Variants in ZNF805 observed in about 807,000 individuals in gnomAD.
ZNF805 encodes the protein CTC-444N24.8.
ZNF805 carries 7 observed loss-of-function variants against 13.6 expected under a neutral mutation model. That is an observed-to-expected ratio of 0.51 (90% CI 0.29 to 0.97). The LOEUF is 0.97. Among genes scored for constraint, ZNF805 ranks in the 50% least tolerant of loss-of-function variants. The probability of loss-of-function intolerance (pLI) is 0.08; values close to 1 mark genes in which losing one functional copy is unlikely to be tolerated. For missense variants in ZNF805, 604 were observed against 771.0 expected (o/e 0.78, Z 2.57); for synonymous variants, 293 against 279.8 (o/e 1.05, Z -0.47).
chr19:57,253,139 C>CT lies in ZNF805; in HGVS notation c.325dup (p.Trp109LeufsTer51). The CT allele has an allele frequency of 6.5e-7, 1 of 1,532,676 alleles. No individual in the cohort carries two copies. Among genetic ancestry groups the CT allele is most frequent in the Non-Finnish European group, 8.7e-7 (1 of 1,142,890 alleles). The allele number at this position is 1,532,676 out of a possible 1,614,324, so 94.9% of individuals were successfully genotyped here. A position where few individuals can be genotyped will look rare whatever the true frequency, so the allele number is the denominator to read the frequency against. On this transcript the variant is annotated frameshift_variant, in exon 4 of 4. Transcript: ENST00000414468. LOFTEE classifies it low-confidence loss of function (END_TRUNC). The surrounding 1 kb of genome is among the most constrained non-coding windows in gnomAD (Gnocchi z 4.4). ...GAGCTAGCCTTGTCTGAAGGAATCT[C>CT]TTTTTGGGGACAACTAACACAAGGA... is the stretch of plus-strand genomic sequence containing the variant.
Position 57,240,747 on chromosome 19 carries a change from C to A in ZNF805, c.-145C>A. 2 of 725,754 alleles carry A rather than the reference C, an allele frequency of 2.8e-6. No homozygotes were observed. The highest frequency in any genetic ancestry group is 4.4e-6 in the Non-Finnish European group (2 of 458,778). The allele number at this position is 725,754 out of a possible 1,614,324, so 45.0% of individuals were successfully genotyped here. Reference sequence around the variant, plus strand: ...AGCGACCTCCGCGTCTCGGAGCGAACCGTGAGCCTCCCCGTAACGAGAGAG... The same window carrying A: ...AGCGACCTCCGCGTCTCGGAGCGAAACGTGAGCCTCCCCGTAACGAGAGAG... On this transcript the variant is annotated 5_prime_UTR_variant, in exon 1 of 4. Coordinates refer to ENST00000414468, the MANE Select transcript of ZNF805 (RefSeq NM_001023563.4).
chr19:57,244,311 T>G (rs763611843), intron 2 of ZNF805, among the ~76,000 whole-genome samples: 3 of 150,812 alleles, frequency 2.0e-5, no homozygotes, highest in Non-Finnish European at 4.4e-5. Flanking sequence ...CAAGCGATTC[T>G]TCTGCCTCAG....
At position 57,262,075 on chromosome 19, in the gene ZNF805, C is replaced by T. The variant is rs191026115; in HGVS notation, c.*7372C>T. ...AGAACAGGAGGTGTTCAGCGTAAGA[C>T]AATTTAGGCACACGGAGCTACTTCT... is the stretch of plus-strand genomic sequence containing the variant. On this transcript the variant is annotated 3_prime_UTR_variant, in exon 4 of 4. Transcript: ENST00000414468. 5 of 166,636 alleles carry T rather than the reference C, an allele frequency of 3.0e-5. No individual in the cohort carries two copies. The East Asian group carries it at 5.8e-4, about 19-fold the overall frequency. 10.3% of individuals were successfully genotyped at this position (166,636 alleles called of 1,614,324 possible).
chr19:57,253,283 GC>G lies in ZNF805; in HGVS notation c.468del (p.Lys157AsnfsTer5). 3.2e-6 allele frequency: 5 copies of G among 1,566,472 alleles called. No individual in the cohort carries two copies. The highest frequency in any genetic ancestry group is 4.3e-6 in the Non-Finnish European group (5 of 1,155,112). Reference sequence around the variant, plus strand: ...AAGGAGAAGCTTCCTGGAAAAATGAGCCCCAAACATGATGGTTTAGGGACAG... The same window carrying G: ...AAGGAGAAGCTTCCTGGAAAAATGAGCCCAAACATGATGGTTTAGGGACAG... ...SQKEKLPGKM[S>X]PKHDGLGTAD... On this transcript the variant is annotated frameshift_variant, in exon 4 of 4. Coordinates refer to ENST00000414468, the MANE Select transcript of ZNF805 (RefSeq NM_001023563.4). LOFTEE classifies it low-confidence loss of function (END_TRUNC). The surrounding 1 kb of genome is among the most constrained non-coding windows in gnomAD (Gnocchi z 4.4).
At position 57,259,410 on chromosome 19, in the gene ZNF805, T is replaced by C. The variant is rs577990817; in HGVS notation, c.*4707T>C. Among the ~76,000 whole-genome samples, 1 of 152,322 alleles carries C rather than the reference T, an allele frequency of 6.6e-6. No individual in the cohort carries two copies. The highest frequency in any genetic ancestry group is 2.1e-4 in the South Asian group (1 of 4,830). The stretch of plus-strand genomic sequence containing the variant: ...TTTTTTTCAGCTCACTGATTCTTTT[T>C]TTCTGCCATATGCAGTCTACTGTTG... On this transcript the variant is annotated 3_prime_UTR_variant, in exon 4 of 4. Coordinates refer to ENST00000414468, the MANE Select transcript of ZNF805 (RefSeq NM_001023563.4).
chr19:57,245,546 G>T (rs34133258), intron 2 of ZNF805, among the ~76,000 whole-genome samples: 3 of 150,724 alleles, frequency 2.0e-5, no homozygotes, highest in Non-Finnish European at 4.4e-5. Context: ...TTGGGAGGCC[G>T]AGATGGGCGG....
chr19:57,257,871 T>TGA lies in ZNF805; in HGVS notation c.*3169_*3170dup, dbSNP rs748326936. Among the ~76,000 whole-genome samples, 12 of 151,854 alleles carry TGA rather than the reference T, an allele frequency of 7.9e-5. No individual in the cohort carries two copies. The highest frequency in any genetic ancestry group is 1.2e-4 in the Non-Finnish European group (8 of 67,970). ...ACAGGCATCCGCCACCATGCCTGAC[T>TGA]GATTTTTTGTATTTTTAGTAGAGAT... On this transcript the variant is annotated 3_prime_UTR_variant, in exon 4 of 4. Transcript: ENST00000414468.
Position 57,253,659 on chromosome 19 carries a change from T to A in ZNF805, c.840T>A (p.Ile280=), listed in dbSNP as rs189838089. The A allele has an allele frequency of 2.5e-6, 4 of 1,613,598 alleles. No homozygotes were observed. In the Admixed American group the frequency reaches 6.7e-5, roughly 27 times the overall value. ...RKSHLTQHQR[I]HSGEKPYKCS... ...CACACCTTACCCAGCACCAGCGGAT[T>A]CACAGTGGAGAGAAGCCTTATAAGT... Residue 280 remains isoleucine, a synonymous_variant, in exon 4 of 4, where the codon ATT becomes ATA. Coordinates refer to ENST00000414468, the MANE Select transcript of ZNF805 (RefSeq NM_001023563.4). This position sits in a 1 kb window ranked among gnomAD's most constrained non-coding sequence, Gnocchi z 4.4.
intron 3 of ZNF805, among the ~76,000 whole-genome samples, chr19:57,249,787 T>G (rs1288101856): frequency 6.6e-6 from 1 of 151,014 alleles, no homozygotes; most frequent in African/African-American, 2.4e-5. Flanking sequence ...TGACCTTCTG[T>G]GTCCCACACT....
At chr19:57,241,012 C>T in intron 1 of ZNF805, 91 bp downstream of exon 1, 1 of 1,399,076 alleles carries the variant, frequency 7.1e-7, no homozygotes, top group Non-Finnish European at 9.8e-7. Flanking sequence ...CACAGGATTC[C>T]TCTTTGTAGT....
rs547733070 is a variant in ZNF805 at position 57,255,980 on chromosome 19, C to T, written c.*1277C>T. The stretch of plus-strand genomic sequence containing the variant: ...AGTTGCTTCCAAAGAGTTTCTCTAT[C>T]GAGTTTAGAAAGTTTCCCTCTATTC... On this transcript the variant is annotated 3_prime_UTR_variant, in exon 4 of 4. Coordinates refer to ENST00000414468, the MANE Select transcript of ZNF805 (RefSeq NM_001023563.4). 6.6e-6 allele frequency among the ~76,000 whole-genome samples: 1 copy of T among 152,030 alleles called. No individual in the cohort carries two copies. The highest frequency in any genetic ancestry group is 1.5e-5 in the Non-Finnish European group (1 of 67,952).
Position 57,259,456 on chromosome 19 carries a change from G to A in ZNF805, c.*4753G>A, listed in dbSNP as rs367958116. 3.3e-5 allele frequency among the ~76,000 whole-genome samples: 5 copies of A among 151,150 alleles called. No homozygotes were observed. Among genetic ancestry groups the A allele is most frequent in the South Asian group, 2.1e-4 (1 of 4,784 alleles). On this transcript the variant is annotated 3_prime_UTR_variant, in exon 4 of 4. Coordinates refer to ENST00000414468, the MANE Select transcript of ZNF805 (RefSeq NM_001023563.4). Reference sequence around the variant, plus strand: ...TGTTGAGCTTGTCCAATGAGTTTTCGTTTTGGTTTTTGTATTTTTCAGTTG... The same window carrying A: ...TGTTGAGCTTGTCCAATGAGTTTTCATTTTGGTTTTTGTATTTTTCAGTTG...
intron 2 of ZNF805, among the ~76,000 whole-genome samples, chr19:57,245,528 C>A (rs1401705165): frequency 6.6e-6 from 1 of 151,822 alleles, no homozygotes; most frequent in Non-Finnish European, 1.5e-5. Flanking sequence ...GCCTGTAATC[C>A]CAGCACTTTG....
Position 57,254,837 on chromosome 19 carries a change from C to G in ZNF805, c.*134C>G, listed in dbSNP as rs2087677757. 2.2e-5 allele frequency: 19 copies of G among 880,358 alleles called. No homozygotes were observed. Among genetic ancestry groups the G allele is most frequent in the Non-Finnish European group, 3.3e-5 (19 of 581,030 alleles). 54.5% of individuals were successfully genotyped at this position (880,358 alleles called of 1,614,324 possible). On this transcript the variant is annotated 3_prime_UTR_variant, in exon 4 of 4. Transcript: ENST00000414468. ...GTGGTTATTACGCACTTGGGAAAACCTTTAGCTCCATCTTTCTCATTAGTT... is the reference window on the plus strand; with the variant it reads ...GTGGTTATTACGCACTTGGGAAAACGTTTAGCTCCATCTTTCTCATTAGTT...
chr19:57,240,765 C>A lies in ZNF805; in HGVS notation c.-127C>A. The A allele has an allele frequency of 2.3e-6, 2 of 855,358 alleles. No homozygotes were observed. Among genetic ancestry groups the A allele is most frequent in the Non-Finnish European group, 3.5e-6 (2 of 569,326 alleles). The allele number at this position is 855,358 out of a possible 1,614,324, so 53.0% of individuals were successfully genotyped here. A position where few individuals can be genotyped will look rare whatever the true frequency, so the allele number is the denominator to read the frequency against. Reference sequence around the variant, plus strand: ...GAGCGAACCGTGAGCCTCCCCGTAACGAGAGAGTTTGACTGTCAGCCAAGG... The same window carrying A: ...GAGCGAACCGTGAGCCTCCCCGTAAAGAGAGAGTTTGACTGTCAGCCAAGG... On this transcript the variant is annotated 5_prime_UTR_variant, in exon 1 of 4. Coordinates refer to ENST00000414468, the MANE Select transcript of ZNF805 (RefSeq NM_001023563.4).
chr19:57,240,748 C>T lies in ZNF805; in HGVS notation c.-144C>T. The T allele has an allele frequency of 1.4e-6, 1 of 729,880 alleles. No individual in the cohort carries two copies. The highest frequency in any genetic ancestry group is 2.2e-6 in the Non-Finnish European group (1 of 462,232). 45.2% of individuals were successfully genotyped at this position (729,880 alleles called of 1,614,324 possible). On this transcript the variant is annotated 5_prime_UTR_variant, in exon 1 of 4. Coordinates refer to ENST00000414468, the MANE Select transcript of ZNF805 (RefSeq NM_001023563.4). ...GCGACCTCCGCGTCTCGGAGCGAAC[C>T]GTGAGCCTCCCCGTAACGAGAGAGT...
chr19:57,259,355 T>C lies in ZNF805; in HGVS notation c.*4652T>C, dbSNP rs1170115805. On this transcript the variant is annotated 3_prime_UTR_variant, in exon 4 of 4. Coordinates refer to ENST00000414468, the MANE Select transcript of ZNF805 (RefSeq NM_001023563.4). Reference sequence around the variant, plus strand: ...CCCCTTTTTCTGGTCTATTTTTCCCTTTTTTTCATATTGGTTAATTTCTGT... The same window carrying C: ...CCCCTTTTTCTGGTCTATTTTTCCCCTTTTTTCATATTGGTTAATTTCTGT... Among the ~76,000 whole-genome samples the C allele has an allele frequency of 7.2e-5, 11 of 152,178 alleles. No individual in the cohort carries two copies. Among genetic ancestry groups the C allele is most frequent in the Non-Finnish European group, 1.2e-4 (8 of 68,028 alleles).
At position 57,254,972 on chromosome 19, in the gene ZNF805, G is replaced by A; in HGVS notation, c.*269G>A. 1 of 333,614 alleles carries A rather than the reference G, an allele frequency of 3.0e-6. No individual in the cohort carries two copies. The allele number at this position is 333,614 out of a possible 1,614,324, so 20.7% of individuals were successfully genotyped here. ...ACTGTTGTCTTGTATGTACATTTCT[G>A]TCCTGTGTCAGGAAAGTTAGTAAGG... On this transcript the variant is annotated 3_prime_UTR_variant, in exon 4 of 4. Transcript: ENST00000414468.
At position 57,240,642 on chromosome 19, in the gene ZNF805, A is replaced by G. The variant is rs957197335; in HGVS notation, c.-250A>G. The stretch of plus-strand genomic sequence containing the variant: ...TAATTTGGGAGCGACGGTTCCGTCC[A>G]CGCCGGCTCTAGGGAGGGGGCGGTG... On this transcript the variant is annotated 5_prime_UTR_variant, in exon 1 of 4. Transcript: ENST00000414468. 4.0e-6 allele frequency: 2 copies of G among 496,494 alleles called. No individual in the cohort carries two copies. The highest frequency in any genetic ancestry group is 7.2e-6 in the Non-Finnish European group (2 of 279,616). 30.8% of individuals were successfully genotyped at this position (496,494 alleles called of 1,614,324 possible). A position where few individuals can be genotyped will look rare whatever the true frequency, so the allele number is the denominator to read the frequency against.
Sources: allele counts gnomAD v4.1 joint callset (sites outside exome capture counted in the v4.1 genomes callset), GRCh38; gene constraint gnomAD v4.1.1; non-coding constraint Gnocchi (gnomAD v3.1); transcripts MANE v1.5; gene names NCBI Gene and HGNC (gene_info 2026-07-23, HGNC 2026-07-21).